Variants in RASGRP1 observed in about 807,000 individuals in gnomAD.
The protein encoded by RASGRP1 is RAS guanyl releasing protein 1, also known as RAS guanyl-releasing protein 1.
RASGRP1 carries 37 observed loss-of-function variants against 95.1 expected under a neutral mutation model. That is an observed-to-expected ratio of 0.39 (90% CI 0.30 to 0.51). RASGRP1 has a LOEUF of 0.51. RASGRP1 is among the 20% of genes least tolerant of loss of function. RASGRP1 has a pLI of 0.80. For missense variants in RASGRP1, 711 were observed against 965.4 expected (o/e 0.74, Z 3.49); for synonymous variants, 325 against 353.4 (o/e 0.92, Z 0.90).
At chr15:38,560,060 G>A in intron 1 of RASGRP1, 55 bp from the exon 2 acceptor site, 1 of 1,445,854 alleles carries the variant, frequency 6.9e-7, no homozygotes, top group Non-Finnish European at 9.6e-7. Context: ...ACGCTCTGAA[G>A]GCAGATTGGA....
rs199706420 is a variant in RASGRP1, at chr15:38,507,843, G to A, written c.1125C>T (p.Asp375=). 5.6e-5 allele frequency: 91 copies of A among 1,613,490 alleles called. No individual in the cohort carries two copies. The highest frequency in any genetic ancestry group is 2.7e-4 in the African/African-American group (20 of 75,002). ...GTAGCTTATGGACGTTCACTTTCCC[G>A]TCCTCCAGATAGTCAGGCATGGCTT... ...LYEAMPDYLE[D]GKVNVHKLLA... is the part of the protein sequence containing the mutation. The change falls in exon 9 of 17, where the codon GAC becomes GAT. Residue 375 remains aspartate, a synonymous_variant. Coordinates refer to ENST00000310803, the MANE Select transcript of RASGRP1 (RefSeq NM_005739.4).
Position 38,518,415 on chromosome 15 carries a change from A to G in RASGRP1, c.398T>C (p.Ile133Thr), listed in dbSNP as rs749080633. The G allele has an allele frequency of 3.1e-6, 5 of 1,603,454 alleles. 1 individual carries two copies. In the Admixed American group the frequency reaches 8.5e-5, roughly 27 times the overall value. The part of the protein sequence containing the change: ...LKICYFVRYW[I>T]TEFWVMFKMD... The stretch of plus-strand genomic sequence containing the variant: ...TTTAAACATGACCCAGAATTCTGTT[A>G]TCCAATACCTACAAGGAGGGGGTTA... The change falls in exon 5 of 17, where the codon ATA becomes ACA. Residue 133 changes from isoleucine (I) to threonine (T), a missense_variant. Transcript: ENST00000310803.
intron 8 of RASGRP1, among the ~76,000 whole-genome samples, chr15:38,509,994 C>G (rs1891436967): frequency 6.6e-6 from 1 of 152,164 alleles, no homozygotes; most frequent in South Asian, 2.1e-4. Flanking sequence ...TCTTCATAAA[C>G]CTCTACCAAT....
At chr15:38,517,723 G>A (rs1891843259) in intron 5 of RASGRP1, among the ~76,000 whole-genome samples, 2 of 152,076 alleles carry the variant, frequency 1.3e-5, no homozygotes, top group South Asian at 4.1e-4. Context: ...GAAAACCCTG[G>A]CATACAAAGC....
At chr15:38,542,904 T>TACACATATATGTGTATATATATAC (rs1566933563) in intron 2 of RASGRP1, among the ~76,000 whole-genome samples, 1 of 141,320 alleles carries the variant, frequency 7.1e-6, no homozygotes, top group Non-Finnish European at 1.5e-5. Context: ...TGTATATATA[T>TACACATATATGTGTATATATATAC]ACACATATAT....
chr15:38,564,365 C>T (rs1035014735), intron 1 of RASGRP1, among the ~76,000 whole-genome samples: 2 of 152,126 alleles, frequency 1.3e-5, no homozygotes, highest in Non-Finnish European at 2.9e-5. Context: ...TCTGGCCTCG[C>T]GGCCGCCCCT....
chr15:38,537,432 A>G (rs1262044622), intron 2 of RASGRP1, among the ~76,000 whole-genome samples: 3 of 152,120 alleles, frequency 2.0e-5, no homozygotes, highest in South Asian at 2.1e-4. Flanking sequence ...AGTGCCACAC[A>G]TCTGGCTGGG....
At chr15:38,518,468 G>C in intron 4 of RASGRP1, 45 bp from the exon 5 acceptor site, 1 of 1,569,898 alleles carries the variant, frequency 6.4e-7, no homozygotes, top group East Asian at 2.3e-5. Context: ...CTGATACCAA[G>C]GACTCACAAT....
chr15:38,514,894 T>A (rs1891697089), intron 6 of RASGRP1, among the ~76,000 whole-genome samples: 1 of 152,174 alleles, frequency 6.6e-6, no homozygotes, highest in Non-Finnish European at 1.5e-5. Context: ...GTGGCTCAGC[T>A]CTGACTGCTG....
chr15:38,559,471 AAC>A (rs1205309696), intron 2 of RASGRP1, among the ~76,000 whole-genome samples: 1 of 152,246 alleles, frequency 6.6e-6, no homozygotes, highest in Non-Finnish European at 1.5e-5. Flanking sequence ...TTGCTCATGT[AAC>A]AGTCTTTATG....
intron 2 of RASGRP1, among the ~76,000 whole-genome samples, chr15:38,526,621 C>G (rs1892233420): frequency 6.6e-6 from 1 of 152,078 alleles, no homozygotes; most frequent in Non-Finnish European, 1.5e-5. Flanking sequence ...ACCCCTTTTC[C>G]TCTCCACAGT....
intron 16 of RASGRP1, among the ~76,000 whole-genome samples, chr15:38,491,047 A>G (rs2141070503): frequency 6.6e-6 from 1 of 152,314 alleles, no homozygotes; most frequent in Non-Finnish European, 1.5e-5. Flanking sequence ...AGCATGACTG[A>G]GAATTCTGTA....
At chr15:38,503,680 C>G (rs1891133231) in intron 10 of RASGRP1, 1 of 354,174 alleles carries the variant, frequency 2.8e-6, no homozygotes, top group African/African-American at 2.2e-5. Context: ...GAGCTATCAA[C>G]AAAGAGTAAA....
chr15:38,521,176 G>A (rs183014860), intron 3 of RASGRP1, among the ~76,000 whole-genome samples: 1 of 152,146 alleles, frequency 6.6e-6, no homozygotes, highest in South Asian at 2.1e-4. Flanking sequence ...CTAAGAAAAT[G>A]CATCACTTCA....
At chr15:38,551,456 C>T (rs891040082) in intron 2 of RASGRP1, among the ~76,000 whole-genome samples, 1 of 152,136 alleles carries the variant, frequency 6.6e-6, no homozygotes, top group Non-Finnish European at 1.5e-5. Flanking sequence ...AAACTGAAGG[C>T]TTCTTTTTTG....
At chr15:38,505,616 C>T (rs1037474380) in intron 10 of RASGRP1, among the ~76,000 whole-genome samples, 12 of 151,220 alleles carry the variant, frequency 7.9e-5, no homozygotes, top group Admixed American at 7.3e-4. Context: ...ACTGGTCACA[C>T]ATTAGGCTTA....
At chr15:38,501,420 A>G (rs760623485) in intron 12 of RASGRP1, 133 bp from the exon 13 acceptor site, 9 of 1,022,272 alleles carry the variant, frequency 8.8e-6, no homozygotes, top group African/African-American at 1.6e-5. Context: ...CTACCTCATG[A>G]TTACTTCCAT....
chr15:38,515,671 T>G (rs1360226278), intron 6 of RASGRP1, among the ~76,000 whole-genome samples: 1 of 152,022 alleles, frequency 6.6e-6, no homozygotes, highest in Non-Finnish European at 1.5e-5. Flanking sequence ...TTAGGTATGT[T>G]CTGGGCTAGG....
chr15:38,539,222 C>T (rs993467463), intron 2 of RASGRP1, among the ~76,000 whole-genome samples: 2 of 152,176 alleles, frequency 1.3e-5, no homozygotes, highest in Non-Finnish European at 2.9e-5. Flanking sequence ...ATAAAAAGCA[C>T]ATAGTCTACC....
Sources: allele counts gnomAD v4.1 joint callset (sites outside exome capture counted in the v4.1 genomes callset), GRCh38; gene constraint gnomAD v4.1.1; transcripts MANE v1.5; gene names NCBI Gene and HGNC (gene_info 2026-07-23, HGNC 2026-07-21).